SATL1: variants seen among roughly 807,000 people sequenced by gnomAD.
SATL1 encodes spermidine/spermine N1-acetyl transferase like 1, also known as spermidine/spermine N(1)-acetyltransferase-like protein 1.
SATL1 carries 47 observed loss-of-function variants against 51.8 expected under a neutral mutation model. That is an observed-to-expected ratio of 0.91 (90% CI 0.72 to 1.16). The LOEUF is 1.16. Among genes scored for constraint, SATL1 ranks in the 50% most tolerant of loss-of-function variants. SATL1 has a pLI of 0.00. For missense variants in SATL1, 520 were observed against 526.4 expected (o/e 0.99, Z 0.12); for synonymous variants, 176 against 182.4 (o/e 0.97, Z 0.28).
At chrX:85,106,874 G>T (rs1003951184) in intron 3 of SATL1, among the ~76,000 whole-genome samples, 5 of 111,580 alleles carry the variant, frequency 4.5e-5, no homozygotes, top group African/African-American at 1.6e-4. Flanking sequence ...CTACAAGTAG[G>T]TGTGGCCTTA....
At chrX:85,157,279 A>T (rs1926620301) in intron 2 of SATL1, among the ~76,000 whole-genome samples, 3 of 110,449 alleles carry the variant, frequency 2.7e-5, no homozygotes, top group Non-Finnish European at 5.7e-5. Flanking sequence ...GATACTTTCT[A>T]GTTGAAGTCA....
In SATL1 at chrX:85,108,545, G is replaced by C; in HGVS notation, c.424C>G (p.Leu142Val). The stretch of plus-strand genomic sequence containing the variant: ...TGGCTCCCACCTGACTGGCTGTCTA[G>C]TTGCTGCATCACTGGTTGGCTCATA... The part of the protein sequence containing the change: ...SGMSQPVMQQ[L>V]DSQSGGSQPS... The change falls in exon 3 of 8, where the codon CTA becomes GTA. Residue 142 changes from leucine (L) to valine (V), a missense_variant. By Grantham distance (32) the Leu-to-Val change is conservative (BLOSUM62 1). This residue lies in a region of SATL1 where 488 missense variants were observed against 474.3 expected (regional missense o/e 1.03). Coordinates refer to ENST00000644105, the MANE Select transcript of SATL1 (RefSeq NM_001367857.2). The C allele has an allele frequency of 8.3e-7, 1 of 1,210,131 alleles. No homozygotes were observed. Among genetic ancestry groups the C allele is most frequent in the East Asian group, 3.0e-5 (1 of 33,784 alleles).
At chrX:85,220,644 TAAAAAAAAAAAAAAAAAAAAAAAAAA>T (rs57383092) in intron 2 of SATL1, among the ~76,000 whole-genome samples, 17 of 24,156 alleles carry the variant, frequency 7.0e-4, no homozygotes, top group African/African-American at 1.1e-3. Context: ...ACTTCTGTGT[TAAAAAAAAAAAAAAAAAAAAAAAAAA>T]AAAAAAAAAA....
Position 85,178,619 on chromosome X carries a change from A to C in SATL1, c.-313+45586T>G, listed in dbSNP as rs780454326. On this transcript the variant is annotated intron_variant, in intron 2 of 7. Coordinates refer to ENST00000644105, the MANE Select transcript of SATL1 (RefSeq NM_001367857.2). ...AGCCCACACAAAATGCTCAAAAAAA[A>C]AAAAACAAAAACAAACAAACAAACA... Among the ~76,000 whole-genome samples, 892 of 107,283 alleles carry C rather than the reference A, an allele frequency of 8.3e-3. 5 individuals carry two copies. Among genetic ancestry groups the C allele is most frequent in the Middle Eastern group, 0.019 (4 of 211 alleles). The allele number at this position is 107,283 out of a possible 115,157, so 93.2% of individuals were successfully genotyped here.
intron 2 of SATL1, among the ~76,000 whole-genome samples, chrX:85,223,756 C>T (rs1403217342): frequency 9.0e-6 from 1 of 111,463 alleles, no homozygotes; most frequent in Non-Finnish European, 1.9e-5. Context: ...GGTACTGTGC[C>T]AAACTCCTTT....
At chrX:85,233,938 C>T (rs944764948) in intron 1 of SATL1, among the ~76,000 whole-genome samples, 5 of 110,906 alleles carry the variant, frequency 4.5e-5, no homozygotes, top group African/African-American at 1.6e-4. Flanking sequence ...TATTCAAGTA[C>T]GAGGAGGTTA....
chrX:85,222,196 G>A (rs1462797172), intron 2 of SATL1, among the ~76,000 whole-genome samples: 2 of 111,694 alleles, frequency 1.8e-5, no homozygotes, highest in Non-Finnish European at 3.8e-5. Context: ...GGGACATTGG[G>A]CAAATGACTT....
At chrX:85,143,383 TA>T (rs1405727545) in intron 2 of SATL1, 3 of 111,459 alleles carry the variant, frequency 2.7e-5, no homozygotes, top group Non-Finnish European at 5.6e-5. Context: ...CAGCAGTCTT[TA>T]AATGTAGTTG....
chrX:85,186,496 A>G (rs1225322042), intron 2 of SATL1, among the ~76,000 whole-genome samples: 3 of 111,056 alleles, frequency 2.7e-5, no homozygotes, highest in Admixed American at 9.7e-5. Flanking sequence ...ACATGGTGGT[A>G]TGGCTTGCTG....
intron 2 of SATL1, chrX:85,153,723 G>A (rs1278433482): frequency 1.8e-5 from 2 of 111,884 alleles, no homozygotes; most frequent in African/African-American, 6.5e-5. Flanking sequence ...CTATGTAGAT[G>A]TCCAAATTTC....
At chrX:85,189,160 ATTT>A (rs1927379543) in intron 2 of SATL1, among the ~76,000 whole-genome samples, 1 of 111,408 alleles carries the variant, frequency 9.0e-6, no homozygotes, top group African/African-American at 3.3e-5. Context: ...TTCTCTTAAA[ATTT>A]TCTTCTACCC....
In SATL1 at chrX:85,139,175, C is replaced by G. The variant is rs147033354; in HGVS notation, c.-312-29895G>C. On this transcript the variant is annotated intron_variant, in intron 2 of 7. Coordinates refer to ENST00000644105, the MANE Select transcript of SATL1 (RefSeq NM_001367857.2). Reference sequence around the variant, plus strand: ...TGGAGCCTTAATCCTACCAGAGTCCCTCAACATTTGGGATAAAGTATTTAA... The same window carrying G: ...TGGAGCCTTAATCCTACCAGAGTCCGTCAACATTTGGGATAAAGTATTTAA... Among the ~76,000 whole-genome samples, 509 of 110,747 alleles carry G rather than the reference C, an allele frequency of 4.6e-3. 11 individuals are homozygous for G. Among genetic ancestry groups the G allele is most frequent in the Admixed American group, 0.043 (447 of 10,322 alleles).
At chrX:85,237,226 T>C (rs1417789965) in intron 1 of SATL1, among the ~76,000 whole-genome samples, 1 of 110,856 alleles carries the variant, frequency 9.0e-6, no homozygotes, top group East Asian at 2.8e-4. Context: ...CCACAAAAGA[T>C]GCAGAATAGC....
At chrX:85,160,072 T>C (rs1231528275) in intron 2 of SATL1, among the ~76,000 whole-genome samples, 1 of 110,925 alleles carries the variant, frequency 9.0e-6, no homozygotes, top group Admixed American at 9.7e-5. Flanking sequence ...AGTTGTGAGC[T>C]GAGCCTTGGC....
chrX:85,190,299 C>T (rs1927407759), intron 2 of SATL1, among the ~76,000 whole-genome samples: 1 of 112,038 alleles, frequency 8.9e-6, no homozygotes, highest in Admixed American at 9.5e-5. Context: ...AGTCAATCAT[C>T]TGACATAAAA....
intron 2 of SATL1, among the ~76,000 whole-genome samples, chrX:85,222,986 C>T (rs1928203848): frequency 8.9e-6 from 1 of 111,973 alleles, no homozygotes; most frequent in African/African-American, 3.2e-5. Context: ...TTTAGAATGG[C>T]CTTGATATAA....
chrX:85,160,759 G>T (rs1174846375), intron 2 of SATL1, among the ~76,000 whole-genome samples: 1 of 111,171 alleles, frequency 9.0e-6, no homozygotes, highest in Non-Finnish European at 1.9e-5. Context: ...ACATATTTCG[G>T]GTTGTCATAC....
intron 2 of SATL1, among the ~76,000 whole-genome samples, chrX:85,201,924 T>C (rs1464703113): frequency 4.5e-5 from 5 of 112,272 alleles, no homozygotes; most frequent in Admixed American, 1.9e-4. Context: ...GCAATGAACA[T>C]TTATGTACAT....
At chrX:85,092,701 C>T in intron 7 of SATL1, 140 bp from the exon 8 acceptor site, 1 of 578,498 alleles carries the variant, frequency 1.7e-6, no homozygotes, top group Non-Finnish European at 2.6e-6. Flanking sequence ...ACCTTTTGAA[C>T]TTTTCTATAG....
Sources: gnomAD v4.1 joint callset for allele counts (sites outside exome capture counted in the v4.1 genomes callset) on GRCh38, gnomAD v4.1.1 for gene constraint, gnomAD v4.1.1 regional missense constraint, MANE v1.5 for transcripts, NCBI Gene and HGNC (gene_info 2026-07-23, HGNC 2026-07-21) for gene names.